The following PIWIL3 variants were observed in gnomAD, a reference collection of about 807,000 sequenced individuals.
PIWIL3 encodes the protein piwi-like protein 3.
A neutral mutation model predicts 109.7 loss-of-function variants in PIWIL3; 101 were observed. The observed-to-expected ratio is 0.92, with a 90% CI of 0.78 to 1.09. The LOEUF (loss-of-function observed/expected upper bound fraction) is 1.09. Among genes scored for constraint, PIWIL3 ranks in the 50% least tolerant of loss-of-function variants. The pLI is 0.00. For synonymous variants in PIWIL3, 373 were observed against 376.4 expected, an observed-to-expected ratio of 0.99 and a Z score of 0.10; for missense variants, 1,031 against 1,072.6, an observed-to-expected ratio of 0.96 and a Z score of 0.54.
chr22:24,757,643 T>TAA (rs1925139430), intron 4 of PIWIL3, among the ~76,000 whole-genome samples: 2 of 92,222 alleles, frequency 2.2e-5, no homozygotes, highest in African/African-American at 4.1e-5. Context: ...CACACATATA[T>TAA]AAAATATGTA....
At position 24,735,885 on chromosome 22, in the gene PIWIL3, G is replaced by C. The variant is rs1323929497; in HGVS notation, c.1457C>G (p.Ala486Gly). ...NIVQGRRMVKANSQGDWSREI... is the reference protein window; with the variant it reads ...NIVQGRRMVKGNSQGDWSREI... Reference sequence around the variant, plus strand: ...TCTTGACCAGTCTCCTTGTGAATTGGCTTTAACCTGGAAAAGAATTATAAG... The same window carrying C: ...TCTTGACCAGTCTCCTTGTGAATTGCCTTTAACCTGGAAAAGAATTATAAG... Residue 486 changes from alanine (A) to glycine (G), a missense_variant, in exon 13 of 21, where the codon GCC becomes GGC. By Grantham distance (60) the Ala-to-Gly change is moderately conservative. Coordinates refer to ENST00000616349, the MANE Select transcript of PIWIL3 (RefSeq NM_001255975.1). 1.9e-6 allele frequency: 3 copies of C among 1,594,478 alleles called. No individual in the cohort carries two copies. Among genetic ancestry groups the C allele is most frequent in the African/African-American group, 1.4e-5 (1 of 73,620 alleles).
chr22:24,743,859 AT>A (rs1374453099), intron 12 of PIWIL3, among the ~76,000 whole-genome samples: 1 of 152,066 alleles, frequency 6.6e-6, no homozygotes, highest in African/African-American at 2.4e-5. Flanking sequence ...CAAACGACAA[AT>A]TTAAAATAGA....
intron 12 of PIWIL3, among the ~76,000 whole-genome samples, chr22:24,739,723 G>A (rs1923868816): frequency 6.6e-6 from 1 of 152,098 alleles, no homozygotes; most frequent in South Asian, 2.1e-4. Context: ...GGAATGTTGA[G>A]GAGCAATAGG....
intron 9 of PIWIL3, among the ~76,000 whole-genome samples, chr22:24,750,731 G>A (rs1325186583): frequency 2.7e-5 from 4 of 149,516 alleles, no homozygotes; most frequent in Non-Finnish European, 3.0e-5. Flanking sequence ...CAGGTGATCC[G>A]CCCTCCTTGG....
chr22:24,760,532 A>G (rs2147716500), intron 2 of PIWIL3, among the ~76,000 whole-genome samples: 1 of 151,910 alleles, frequency 6.6e-6, no homozygotes, highest in Middle Eastern at 3.4e-3. Flanking sequence ...TCACGCCTGT[A>G]ATCCCAGCAC....
intron 12 of PIWIL3, among the ~76,000 whole-genome samples, chr22:24,736,823 C>A (rs1275338658): frequency 6.6e-6 from 1 of 152,216 alleles, no homozygotes; most frequent in Non-Finnish European, 1.5e-5. Flanking sequence ...CCTGTCACAG[C>A]AGAAAGCAGA....
rs777042950 is a variant in PIWIL3 at position 24,759,993 on chromosome 22, C to T, written c.103-4G>A. 3 of 1,613,766 alleles carry T rather than the reference C, an allele frequency of 1.9e-6. No homozygotes were observed. The African/African-American group carries it at 4.0e-5, about 22-fold the overall frequency. ...GCAACTGAGGGGGCTCCTGGGTCTGCATGTTTTTGGAAATAGAAATAATGA... is the reference window on the plus strand; with the variant it reads ...GCAACTGAGGGGGCTCCTGGGTCTGTATGTTTTTGGAAATAGAAATAATGA... On this transcript the variant is annotated splice_region_variant and splice_polypyrimidine_tract_variant and intron_variant, in intron 2 of 20. Transcript: ENST00000616349.
intron 12 of PIWIL3, among the ~76,000 whole-genome samples, chr22:24,737,247 C>T (rs1923710214): frequency 6.6e-6 from 1 of 152,294 alleles, no homozygotes; most frequent in East Asian, 1.9e-4. Context: ...TGGATACCAG[C>T]GCAGCTACAG....
rs760542942 is a variant in PIWIL3, at chr22:24,735,921, A to C, written c.1450-29T>G. 6 of 1,532,676 alleles carry C rather than the reference A, an allele frequency of 3.9e-6. No homozygotes were observed. In the South Asian group the frequency reaches 6.1e-5, roughly 16 times the overall value. The allele number at this position is 1,532,676 out of a possible 1,614,324, so 94.9% of individuals were successfully genotyped here. On this transcript the variant is annotated intron_variant, in intron 12 of 20. Transcript: ENST00000616349. Reference sequence around the variant, plus strand: ...GAAAAGAATTATAAGACATGGCATAAAACTTTATTTTAAAGATCAACTTAT... The same window carrying C: ...GAAAAGAATTATAAGACATGGCATACAACTTTATTTTAAAGATCAACTTAT...
chr22:24,746,035 G>T (rs1306166964), intron 12 of PIWIL3, among the ~76,000 whole-genome samples: 4 of 152,120 alleles, frequency 2.6e-5, no homozygotes, highest in Non-Finnish European at 5.9e-5. Context: ...ATTTAAAGAA[G>T]AACTAATACC....
intron 14 of PIWIL3, among the ~76,000 whole-genome samples, chr22:24,733,207 T>C (rs1471760930): frequency 1.3e-5 from 2 of 152,212 alleles, no homozygotes; most frequent in African/African-American, 4.8e-5. Context: ...TCTGGTTTCA[T>C]GGTCAAGAAA....
intron 5 of PIWIL3, among the ~76,000 whole-genome samples, chr22:24,756,181 T>C (rs1349935603): frequency 1.3e-5 from 2 of 152,220 alleles, no homozygotes; most frequent in Non-Finnish European, 2.9e-5. Context: ...TTCTCTAACT[T>C]GTTTTCTGCT....
In PIWIL3 at chr22:24,750,482, A is replaced by ATTTTTTT. The variant is rs1241174453; in HGVS notation, c.1090-670_1090-664dup. 7.4e-4 allele frequency among the ~76,000 whole-genome samples: 85 copies of ATTTTTTT among 114,306 alleles called. 8 individuals carry two copies. Among genetic ancestry groups the ATTTTTTT allele is most frequent in the South Asian group, 1.2e-3 (4 of 3,448 alleles). 75.0% of individuals were successfully genotyped at this position (114,306 alleles called of 152,430 possible). The stretch of plus-strand genomic sequence containing the variant: ...CTTATCTGAAGTCTTACCACATTTG[A>ATTTTTTT]TTTTTTTTCTTTTTTTTTTTTTTGA... On this transcript the variant is annotated intron_variant, in intron 9 of 20. Coordinates refer to ENST00000616349, the MANE Select transcript of PIWIL3 (RefSeq NM_001255975.1).
intron 14 of PIWIL3, among the ~76,000 whole-genome samples, chr22:24,728,785 A>G (rs1378738984): frequency 6.6e-6 from 1 of 152,240 alleles, no homozygotes; most frequent in African/African-American, 2.4e-5. Context: ...CATCCTAGTT[A>G]TTCAGGTTCC....
At chr22:24,759,125 C>T (rs1018979070) in intron 3 of PIWIL3, among the ~76,000 whole-genome samples, 1 of 152,196 alleles carries the variant, frequency 6.6e-6, no homozygotes, top group Admixed American at 6.5e-5. Flanking sequence ...AACTTCTGGC[C>T]TCAAGTGATC....
chr22:24,771,475 TCA>T (rs1491090784), intron 1 of PIWIL3, among the ~76,000 whole-genome samples: 92 of 81,668 alleles, frequency 1.1e-3, no homozygotes, highest in African/African-American at 4.0e-3. Context: ...AGACTCCATC[TCA>T]AAAAAAAAAA....
intron 8 of PIWIL3, 56 bp from the exon 9 acceptor site, chr22:24,751,554 C>T (rs1244461373): frequency 6.4e-7 from 1 of 1,571,052 alleles, no homozygotes; most frequent in Non-Finnish European, 8.6e-7. Flanking sequence ...TGGAACCATC[C>T]ACACAGAAAA....
At chr22:24,760,691 A>G (rs1414748111) in intron 2 of PIWIL3, among the ~76,000 whole-genome samples, 2 of 150,818 alleles carry the variant, frequency 1.3e-5, no homozygotes, top group Non-Finnish European at 2.9e-5. Context: ...AAGGCAGGAG[A>G]ATCGCTTGAA....
chr22:24,765,244 G>C (rs186060829), intron 1 of PIWIL3, among the ~76,000 whole-genome samples: 7 of 152,164 alleles, frequency 4.6e-5, no homozygotes, highest in Non-Finnish European at 1.0e-4. Flanking sequence ...CTTACAGTTG[G>C]GGTTTTGCAA....
Sources: allele counts gnomAD v4.1 joint callset (sites outside exome capture counted in the v4.1 genomes callset), GRCh38; gene constraint gnomAD v4.1.1; transcripts MANE v1.5; gene names NCBI Gene and HGNC (gene_info 2026-07-23, HGNC 2026-07-21).